CDH10: variants seen among roughly 807,000 people sequenced by gnomAD.
CDH10 encodes the protein cadherin 10, also known as cadherin-10.
Under a neutral mutation model 73.1 loss-of-function variants are expected in CDH10, and 30 were observed. That is an observed-to-expected ratio of 0.41 (90% CI 0.31 to 0.56). CDH10 has a LOEUF of 0.56. Among genes scored for constraint, CDH10 ranks in the 20% least tolerant of loss-of-function variants. The probability of loss-of-function intolerance (pLI) is 0.27; values close to 1 mark genes in which losing one functional copy is unlikely to be tolerated. For synonymous variants in CDH10, 345 were observed against 348.2 expected (o/e 0.99, Z 0.10); for missense variants, 815 against 973.7 (o/e 0.84, Z 2.17).
intron 1 of CDH10, among the ~76,000 whole-genome samples, chr5:24,633,235 T>C (rs1747760766): frequency 6.6e-6 from 1 of 151,806 alleles, no homozygotes; most frequent in African/African-American, 2.4e-5. Flanking sequence ...TTTTTAAGTA[T>C]AGGTACATAC....
intron 7 of CDH10, among the ~76,000 whole-genome samples, chr5:24,506,334 T>A (rs1228143505): frequency 2.0e-5 from 3 of 152,286 alleles, no homozygotes. Flanking sequence ...ATAGATCCCA[T>A]TATCTTTATC....
At chr5:24,526,697 C>G (rs1320532334) in intron 5 of CDH10, among the ~76,000 whole-genome samples, 1 of 151,954 alleles carries the variant, frequency 6.6e-6, no homozygotes, top group African/African-American at 2.4e-5. Context: ...TTAGTTCAGA[C>G]TGCAGCAACT....
intron 5 of CDH10, among the ~76,000 whole-genome samples, chr5:24,534,287 G>A (rs142665772): frequency 0.016 from 2,458 of 152,108 alleles, 34 homozygotes; most frequent in Middle Eastern, 0.075. Flanking sequence ...TCAGGACATA[G>A]GCTGTAGTCG....
At chr5:24,577,540 G>C (rs1212388868) in intron 2 of CDH10, among the ~76,000 whole-genome samples, 1 of 152,088 alleles carries the variant, frequency 6.6e-6, no homozygotes, top group African/African-American at 2.4e-5. Flanking sequence ...TAAACCAACT[G>C]ATCTGTTAAC....
In CDH10 at chr5:24,552,124, T is replaced by C. The variant is rs139750055; in HGVS notation, c.232-14450A>G. 1.9e-4 allele frequency among the ~76,000 whole-genome samples: 29 copies of C among 152,212 alleles called. No homozygotes were observed. The East Asian group carries it at 5.2e-3, about 27-fold the overall frequency. On this transcript the variant is annotated intron_variant, in intron 2 of 11. Coordinates refer to ENST00000264463, the MANE Select transcript of CDH10 (RefSeq NM_006727.5). Reference sequence around the variant, plus strand: ...TATAAGTGCTTCTTGGTCTCAAATATACATATATCTCCATTTATTTAGGAC... The same window carrying C: ...TATAAGTGCTTCTTGGTCTCAAATACACATATATCTCCATTTATTTAGGAC...
At chr5:24,603,716 T>C (rs1746651179) in intron 1 of CDH10, among the ~76,000 whole-genome samples, 1 of 149,098 alleles carries the variant, frequency 6.7e-6, no homozygotes, top group Admixed American at 6.6e-5. Flanking sequence ...GCATACTTGC[T>C]GGAAAAAAAA....
intron 9 of CDH10, among the ~76,000 whole-genome samples, chr5:24,497,278 A>G (rs2111676206): frequency 6.6e-6 from 1 of 152,162 alleles, no homozygotes; most frequent in South Asian, 2.1e-4. Context: ...CGATGTATGC[A>G]GCAGTAGCAA....
At chr5:24,494,293 T>C (rs1437288526) in intron 9 of CDH10, among the ~76,000 whole-genome samples, 1 of 151,944 alleles carries the variant, frequency 6.6e-6, no homozygotes, top group African/African-American at 2.4e-5. Flanking sequence ...CTAATACTAC[T>C]TAAGATGTGT....
In CDH10 at chr5:24,535,135, T is replaced by A. The variant is rs746998768; in HGVS notation, c.791A>T (p.Asp264Val). 1 of 1,611,424 alleles carries A rather than the reference T, an allele frequency of 6.2e-7. No homozygotes were observed. The highest frequency in any genetic ancestry group is 1.3e-5 in the African/African-American group (1 of 74,750). The change falls in exon 5 of 12, where the codon GAC (aspartate) becomes GTC (valine). Residue 264 changes from aspartate (D) to valine (V), a missense_variant. This residue lies in a region of CDH10 where 516 missense variants were observed against 636.6 expected (regional missense o/e 0.81). Coordinates refer to ENST00000264463, the MANE Select transcript of CDH10 (RefSeq NM_006727.5). ...TVNITLTDVN[D>V]NPPRFPQNTI... Reference sequence around the variant, plus strand: ...ACTCTGGGGGAAACGTGGTGGGTTGTCATTGACATCTGTCAGCGTGATGTT... The same window carrying A: ...ACTCTGGGGGAAACGTGGTGGGTTGACATTGACATCTGTCAGCGTGATGTT...
chr5:24,629,831 T>C (rs1248558542), intron 1 of CDH10, among the ~76,000 whole-genome samples: 2 of 152,178 alleles, frequency 1.3e-5, no homozygotes, highest in African/African-American at 4.8e-5. Context: ...AAATCTCTTT[T>C]CTTTATAAAT....
intron 1 of CDH10, among the ~76,000 whole-genome samples, chr5:24,623,752 C>T (rs1747393622): frequency 1.3e-5 from 2 of 152,116 alleles, no homozygotes; most frequent in Admixed American, 6.6e-5. Context: ...GTGCTGAATT[C>T]CAAATGCAAT....
chr5:24,593,650 C>A, intron 1 of CDH10, 37 bp from the exon 2 acceptor site: 1 of 563,096 alleles, frequency 1.8e-6, no homozygotes, highest in Non-Finnish European at 3.1e-6. Context: ...AGTTAGTTGA[C>A]AACATTATCA....
chr5:24,571,938 T>A (rs539958499), intron 2 of CDH10, among the ~76,000 whole-genome samples: 8 of 151,738 alleles, frequency 5.3e-5, no homozygotes, highest in Non-Finnish European at 1.2e-4. Context: ...ACACCATTGC[T>A]ATGTATGTTT....
At chr5:24,511,911 C>A (rs1250102964) in intron 5 of CDH10, among the ~76,000 whole-genome samples, 1 of 152,068 alleles carries the variant, frequency 6.6e-6, no homozygotes, top group Non-Finnish European at 1.5e-5. Flanking sequence ...CACGTTATCA[C>A]TCATAAGTGG....
At chr5:24,558,702 CAG>C (rs10605463) in intron 2 of CDH10, among the ~76,000 whole-genome samples, 124,982 of 151,010 alleles carry the variant, frequency 0.83, 51,751 homozygotes, top group East Asian at 0.9. Context: ...GAAAACGAAA[CAG>C]AGAAACATTT....
chr5:24,572,343 G>A (rs1745414977), intron 2 of CDH10, among the ~76,000 whole-genome samples: 1 of 151,996 alleles, frequency 6.6e-6, no homozygotes, highest in African/African-American at 2.4e-5. Flanking sequence ...AAAGGCATTC[G>A]GCAGATCTAG....
In CDH10 at chr5:24,616,952, T is replaced by C. The variant is rs538397002; in HGVS notation, c.-123-23339A>G. ...TTTTAGAAAAGCACAAATCTCTCATTGTTATAATTCCATTGAATTTAACAC... is the reference window on the plus strand; with the variant it reads ...TTTTAGAAAAGCACAAATCTCTCATCGTTATAATTCCATTGAATTTAACAC... On this transcript the variant is annotated intron_variant, in intron 1 of 11. Transcript: ENST00000264463. 2.6e-5 allele frequency among the ~76,000 whole-genome samples: 4 copies of C among 152,326 alleles called. No homozygotes were observed. In the South Asian group the frequency reaches 8.3e-4, roughly 32 times the overall value.
chr5:24,630,334 T>G lies in CDH10; in HGVS notation c.-124+14260A>C, dbSNP rs929441409. On this transcript the variant is annotated intron_variant, in intron 1 of 11. Transcript: ENST00000264463. ...ATCCCAGCTGAGGCCGGCAGATCAC[T>G]TGACGTCAGGAGTTTGAGACCAGCC... is the stretch of plus-strand genomic sequence containing the variant. Among the ~76,000 whole-genome samples the G allele has an allele frequency of 2.6e-5, 4 of 151,964 alleles. No homozygotes were observed. In the East Asian group the frequency reaches 7.8e-4, roughly 30 times the overall value.
Position 24,488,026 on chromosome 5 carries a change from C to T in CDH10, c.2004G>A (p.Gln668=), listed in dbSNP as rs146231810. The stretch of plus-strand genomic sequence containing the variant: ...TCCTCAGGGTGCCGATATCAAAGGC[C>T]TGGGTGTCCTCCTCTCCACCACCCT... ...NDEGGGEEDT[Q]AFDIGTLRNP... The change falls in exon 12 of 12, where the codon CAG becomes CAA. Residue 668 remains glutamine, a synonymous_variant. Transcript: ENST00000264463. 2 of 1,613,834 alleles carry T rather than the reference C, an allele frequency of 1.2e-6. No individual in the cohort carries two copies. Among genetic ancestry groups the T allele is most frequent in the African/African-American group, 1.3e-5 (1 of 74,848 alleles).
Sources: gnomAD v4.1 joint callset for allele counts (sites outside exome capture counted in the v4.1 genomes callset) on GRCh38, gnomAD v4.1.1 for gene constraint, gnomAD v4.1.1 regional missense constraint, MANE v1.5 for transcripts, NCBI Gene and HGNC (gene_info 2026-07-23, HGNC 2026-07-21) for gene names.